Variants in FSTL4 observed in about 807,000 individuals in gnomAD.
FSTL4 encodes follistatin like 4.
FSTL4 carries 28 observed loss-of-function variants against 78.2 expected under a neutral mutation model. The ratio of observed to expected loss-of-function variants is 0.36; its 90% CI spans 0.27 to 0.49. The LOEUF (loss-of-function observed/expected upper bound fraction) is 0.49, where lower values mean the gene tolerates loss of function less well. Among genes scored for constraint, FSTL4 ranks in the 20% least tolerant of loss-of-function variants. The pLI is 0.98. For missense variants in FSTL4, 922 were observed against 1,084.9 expected, an observed-to-expected ratio of 0.85 and a Z score of 2.11; for synonymous variants, 422 against 440.5, an observed-to-expected ratio of 0.96 and a Z score of 0.53.
chr5:133,405,177 A>G (rs1483849297), intron 3 of FSTL4, among the ~76,000 whole-genome samples: 1 of 152,116 alleles, frequency 6.6e-6, no homozygotes, highest in African/African-American at 2.4e-5. Flanking sequence ...CCAGCACACG[A>G]CCTAGCACTG....
At chr5:133,482,188 G>A (rs1448135061) in intron 3 of FSTL4, among the ~76,000 whole-genome samples, 1 of 152,230 alleles carries the variant, frequency 6.6e-6, no homozygotes, top group African/African-American at 2.4e-5. Context: ...CCATGCAAAT[G>A]TGTGTTTGAA....
At chr5:133,790,657 C>T in the FSTL4 span, among the ~76,000 whole-genome samples, 9 of 152,278 alleles carry the variant, frequency 5.9e-5, no homozygotes, top group Non-Finnish European at 8.8e-5. Context: ...AGGATCATCA[C>T]GTGTAAAACA....
chr5:133,738,789 T>C, the FSTL4 span, among the ~76,000 whole-genome samples: 2 of 152,124 alleles, frequency 1.3e-5, no homozygotes, highest in Non-Finnish European at 1.5e-5. Context: ...TTCTAAGCAT[T>C]GCGTGTAGGA....
At chr5:133,573,841 T>C (rs1045656597) in intron 2 of FSTL4, among the ~76,000 whole-genome samples, 3 of 152,226 alleles carry the variant, frequency 2.0e-5, no homozygotes, top group African/African-American at 7.2e-5. Flanking sequence ...AAACACATCA[T>C]GGCAACCTCA....
At chr5:133,766,599 G>A in the FSTL4 span, among the ~76,000 whole-genome samples, 1 of 152,222 alleles carries the variant, frequency 6.6e-6, no homozygotes, top group African/African-American at 2.4e-5. Context: ...AGGCTGTGGG[G>A]TACTGTGCTA....
chr5:133,562,813 T>C (rs1303646070), intron 3 of FSTL4, among the ~76,000 whole-genome samples: 2 of 152,190 alleles, frequency 1.3e-5, no homozygotes, highest in East Asian at 3.8e-4. Flanking sequence ...TCCCAGCCAT[T>C]TGCTCAGCTT....
At chr5:133,665,137 C>T in the FSTL4 span, among the ~76,000 whole-genome samples, 506 of 152,264 alleles carry the variant, frequency 3.3e-3, 3 homozygotes, top group African/African-American at 0.011. Context: ...ACCACACCAA[C>T]GACTAAGACC....
At chr5:133,652,915 A>G in the FSTL4 span, among the ~76,000 whole-genome samples, 1 of 152,154 alleles carries the variant, frequency 6.6e-6, no homozygotes, top group Non-Finnish European at 1.5e-5. Flanking sequence ...CCCACATTCC[A>G]TCTCTTGGGG....
the FSTL4 span, among the ~76,000 whole-genome samples, chr5:133,780,003 A>C: frequency 2.6e-5 from 4 of 152,162 alleles, no homozygotes; most frequent in African/African-American, 9.7e-5. Context: ...TCTGTGACCC[A>C]ATACCTCTGG....
intron 6 of FSTL4, among the ~76,000 whole-genome samples, chr5:133,298,598 C>G (rs1753461763): frequency 6.6e-6 from 1 of 152,234 alleles, no homozygotes; most frequent in Non-Finnish European, 1.5e-5. Flanking sequence ...TAAACTCCTG[C>G]CTACTCAGAG....
intron 6 of FSTL4, among the ~76,000 whole-genome samples, chr5:133,259,462 A>T (rs1484663952): frequency 6.6e-6 from 1 of 151,850 alleles, no homozygotes. Context: ...AGAGCAAGGT[A>T]AGGACTGATG....
At chr5:133,282,674 A>T (rs972853872) in intron 6 of FSTL4, among the ~76,000 whole-genome samples, 11 of 152,028 alleles carry the variant, frequency 7.2e-5, no homozygotes, top group Non-Finnish European at 1.3e-4. Flanking sequence ...TGTACCCTGA[A>T]CAGAGACCTG....
At chr5:133,350,125 G>A (rs555999875) in intron 4 of FSTL4, among the ~76,000 whole-genome samples, 6 of 150,812 alleles carry the variant, frequency 4.0e-5, no homozygotes, top group East Asian at 3.9e-4. Flanking sequence ...GCTGCCATGC[G>A]ACTGTAAAGG....
chr5:133,739,357 C>T, the FSTL4 span, among the ~76,000 whole-genome samples: 6 of 151,720 alleles, frequency 4.0e-5, no homozygotes, highest in South Asian at 2.1e-4. Flanking sequence ...AAAGTGAGCC[C>T]GCCAGGAGGC....
At chr5:133,277,273 A>G (rs769782688) in intron 6 of FSTL4, among the ~76,000 whole-genome samples, 9 of 152,030 alleles carry the variant, frequency 5.9e-5, no homozygotes, top group East Asian at 1.9e-4. Flanking sequence ...AGATTGTGCC[A>G]TTGCACTCCA....
chr5:133,777,808 C>T, the FSTL4 span, among the ~76,000 whole-genome samples: 3 of 152,080 alleles, frequency 2.0e-5, no homozygotes, highest in African/African-American at 7.2e-5. Flanking sequence ...AATATTCAGG[C>T]CATGAAGGTT....
intron 4 of FSTL4, among the ~76,000 whole-genome samples, chr5:133,349,041 G>A (rs1358813251): frequency 3.3e-5 from 5 of 152,146 alleles, no homozygotes; most frequent in Non-Finnish European, 7.3e-5. Flanking sequence ...GTTTCTAATC[G>A]TATTCAGTGA....
At chr5:133,622,478 A>G in the FSTL4 span, among the ~76,000 whole-genome samples, 2 of 152,190 alleles carry the variant, frequency 1.3e-5, no homozygotes, top group South Asian at 4.1e-4. Flanking sequence ...AAAATGTTAC[A>G]CGAAAAAGCC....
the FSTL4 span, among the ~76,000 whole-genome samples, chr5:133,655,495 T>C: frequency 0.02 from 3,121 of 152,332 alleles, 48 homozygotes; most frequent in Admixed American, 0.047. Context: ...TAAGAAGCTT[T>C]TAAGAATGGT....
Sources: gnomAD v4.1 joint callset for allele counts (sites outside exome capture counted in the v4.1 genomes callset) on GRCh38, gnomAD v4.1.1 for gene constraint, MANE v1.5 for transcripts, NCBI Gene and HGNC (gene_info 2026-07-23, HGNC 2026-07-21) for gene names.